TECTA: variants seen among roughly 807,000 people sequenced by gnomAD.
The protein encoded by TECTA is tectorin alpha.
Under a neutral mutation model 216.8 loss-of-function variants are expected in TECTA, and 128 were observed. The observed-to-expected ratio is 0.59, with a 90% CI of 0.51 to 0.68. The LOEUF (loss-of-function observed/expected upper bound fraction) is 0.68. TECTA is among the 30% of genes least tolerant of loss of function. The pLI is 0.00. For synonymous variants in TECTA, 1,089 were observed against 1,117.1 expected, an observed-to-expected ratio of 0.97 and a Z score of 0.50; for missense variants, 2,551 against 2,786.2, an observed-to-expected ratio of 0.92 and a Z score of 1.90.
chr11:121,122,369 C>A (rs1946566307), intron 7 of TECTA, among the ~76,000 whole-genome samples: 3 of 152,122 alleles, frequency 2.0e-5, no homozygotes, highest in Non-Finnish European at 4.4e-5. Context: ...TCTCGCCAGA[C>A]AATGAATCTG....
chr11:121,108,670 G>A (rs1335592468), intron 3 of TECTA, among the ~76,000 whole-genome samples: 2 of 137,848 alleles, frequency 1.5e-5, no homozygotes, highest in African/African-American at 2.8e-5. Context: ...ACACACACAT[G>A]CTCCAGTATA....
In TECTA at chr11:121,181,127, C is replaced by T. The variant is rs151233660; in HGVS notation, c.6000-6705C>T. Among the ~76,000 whole-genome samples, 1,212 of 152,042 alleles carry T rather than the reference C, an allele frequency of 8.0e-3. 15 individuals carry two copies. The highest frequency in any genetic ancestry group is 0.028 in the African/African-American group (1,162 of 41,464). On this transcript the variant is annotated intron_variant, in intron 20 of 23. Coordinates refer to ENST00000392793, the MANE Select transcript of TECTA (RefSeq NM_005422.4). ...TTGCAGTGAGCTGAGATCTCACCAC[C>T]GCACTCCAGCCTGGTGACAGAGCAA...
chr11:121,162,034 A>C (rs148522694), intron 15 of TECTA, 41 bp from the exon 16 acceptor site: 112 of 1,612,380 alleles, frequency 6.9e-5, no homozygotes, highest in Middle Eastern at 6.0e-4. Context: ...CTTCCATTGG[A>C]GATCTCAGAT....
chr11:121,109,812 G>A, intron 4 of TECTA: 1 of 382,752 alleles, frequency 2.6e-6, no homozygotes, highest in Non-Finnish European at 5.0e-6. Context: ...GAGGCACTGA[G>A]ACCCATTCCA....
chr11:121,171,226 T>A (rs1296469632), intron 20 of TECTA, among the ~76,000 whole-genome samples: 4 of 152,170 alleles, frequency 2.6e-5, no homozygotes, highest in African/African-American at 9.7e-5. Flanking sequence ...TTGTTGAAAA[T>A]CAGTTGGCTG....
chr11:121,117,646 C>T (rs920455592), intron 6 of TECTA, among the ~76,000 whole-genome samples: 2 of 152,178 alleles, frequency 1.3e-5, no homozygotes, highest in African/African-American at 4.8e-5. Flanking sequence ...AAGTCCTGGA[C>T]TTGGACAGGG....
intron 20 of TECTA, among the ~76,000 whole-genome samples, chr11:121,173,882 G>C (rs1947138529): frequency 6.6e-6 from 1 of 151,982 alleles, no homozygotes; most frequent in African/African-American, 2.4e-5. Context: ...GTGGTTTGTA[G>C]TTCTCCTTGA....
chr11:121,107,387 C>T (rs1299552874), intron 3 of TECTA, among the ~76,000 whole-genome samples: 2 of 152,130 alleles, frequency 1.3e-5, no homozygotes, highest in Non-Finnish European at 2.9e-5. Flanking sequence ...TTGAGTAGTG[C>T]AGTTTTCTTC....
chr11:121,129,078 G>C (rs1019373093), intron 9 of TECTA, among the ~76,000 whole-genome samples: 1 of 152,206 alleles, frequency 6.6e-6, no homozygotes, highest in African/African-American at 2.4e-5. Context: ...ACACAGTACT[G>C]CCCAAGGAGA....
intron 11 of TECTA, among the ~76,000 whole-genome samples, chr11:121,140,348 C>G (rs1024836183): frequency 2.6e-5 from 4 of 152,194 alleles, no homozygotes; most frequent in Non-Finnish European, 5.9e-5. Context: ...CCTTCCCTTT[C>G]CCTCTACTTT....
chr11:121,136,303 C>T (rs1181182367), intron 10 of TECTA, among the ~76,000 whole-genome samples: 1 of 151,754 alleles, frequency 6.6e-6, no homozygotes, highest in Middle Eastern at 3.2e-3. Context: ...GGAAGATGGG[C>T]AATTTGAAGT....
intron 6 of TECTA, among the ~76,000 whole-genome samples, chr11:121,115,310 C>T (rs1420552715): frequency 5.0e-4 from 76 of 152,218 alleles, no homozygotes; most frequent in Admixed American, 5.0e-3. Context: ...TTGCATCTTT[C>T]TGAAAAGCAT....
intron 22 of TECTA, 78 bp downstream of exon 22, chr11:121,189,245 T>G: frequency 6.9e-7 from 1 of 1,449,032 alleles, no homozygotes; most frequent in Non-Finnish European, 9.7e-7. Flanking sequence ...TCACCTCTGA[T>G]GTGGGTCCAG....
intron 3 of TECTA, among the ~76,000 whole-genome samples, chr11:121,106,954 C>T (rs1207286490): frequency 6.6e-6 from 1 of 152,172 alleles, no homozygotes; most frequent in Non-Finnish European, 1.5e-5. Flanking sequence ...AATGAGTCCT[C>T]CAAGTGGTTC....
intron 17 of TECTA, among the ~76,000 whole-genome samples, chr11:121,165,803 G>C (rs77229972): frequency 0.015 from 2,359 of 152,276 alleles, 59 homozygotes; most frequent in African/African-American, 0.053. Context: ...AAATAACTAG[G>C]ACTCCAGGAC....
intron 12 of TECTA, among the ~76,000 whole-genome samples, chr11:121,151,531 T>C (rs1383578392): frequency 6.6e-6 from 1 of 152,216 alleles, no homozygotes; most frequent in Non-Finnish European, 1.5e-5. Context: ...CATGTATGCT[T>C]ATGTGCATAC....
At chr11:121,150,879 C>T (rs570764784) in intron 12 of TECTA, among the ~76,000 whole-genome samples, 1 of 152,168 alleles carries the variant, frequency 6.6e-6, no homozygotes, top group East Asian at 1.9e-4. Context: ...CTCTTGACCT[C>T]ATGATCCACC....
intron 4 of TECTA, 90 bp from the exon 5 acceptor site, chr11:121,112,981 TG>T (rs2135059020): frequency 6.5e-7 from 1 of 1,533,606 alleles, no homozygotes; most frequent in South Asian, 1.1e-5. Context: ...TGCCTGTGGG[TG>T]GGGAGGGCGC....
intron 14 of TECTA, among the ~76,000 whole-genome samples, chr11:121,159,218 T>G (rs1366271821): frequency 6.6e-6 from 1 of 152,164 alleles, no homozygotes; most frequent in Non-Finnish European, 1.5e-5. Flanking sequence ...GAATCTGAAA[T>G]TTAATACCGG....
Sources: allele counts gnomAD v4.1 joint callset (sites outside exome capture counted in the v4.1 genomes callset), GRCh38; gene constraint gnomAD v4.1.1; transcripts MANE v1.5; gene names NCBI Gene and HGNC (gene_info 2026-07-23, HGNC 2026-07-21).